FGFR2: variants seen among roughly 807,000 people sequenced by gnomAD.
The protein encoded by FGFR2 is BEK fibroblast growth factor receptor.
A neutral mutation model predicts 95.9 loss-of-function variants in FGFR2; 19 were observed. The observed-to-expected ratio is 0.20, with a 90% CI of 0.14 to 0.29. FGFR2 has a LOEUF of 0.29. Ranked by LOEUF, FGFR2 falls within the 10% of genes least tolerant of loss-of-function variation. FGFR2 has a pLI of 1.00. For missense variants in FGFR2, 707 were observed against 1,056.9 expected (o/e 0.67, Z 4.59); for synonymous variants, 392 against 393.3 (o/e 1.00, Z 0.04).
At chr10:121,528,298 G>C (rs562784968) in intron 6 of FGFR2, among the ~76,000 whole-genome samples, 1 of 152,130 alleles carries the variant, frequency 6.6e-6, no homozygotes, top group South Asian at 2.1e-4. Flanking sequence ...AAAGCTTGTC[G>C]CTGTAGGGTT....
chr10:121,592,935 T>C (rs1013464094), intron 2 of FGFR2, among the ~76,000 whole-genome samples: 3 of 152,218 alleles, frequency 2.0e-5, no homozygotes, highest in Non-Finnish European at 4.4e-5. Context: ...AGTAGAGGCT[T>C]GGCTCACGTT....
chr10:121,534,602 A>G (rs12259870), intron 6 of FGFR2, among the ~76,000 whole-genome samples: 16,437 of 149,382 alleles, frequency 0.11, 2,923 homozygotes, highest in African/African-American at 0.38. Context: ...CACCATGTTG[A>G]CCAGGCTGGT....
In FGFR2 at chr10:121,564,504, T is replaced by C. The variant is rs2135086695; in HGVS notation, c.452A>G (p.Lys151Arg). 1 of 1,613,772 alleles carries C rather than the reference T, an allele frequency of 6.2e-7. No individual in the cohort carries two copies. Among genetic ancestry groups the C allele is most frequent in the Non-Finnish European group, 8.5e-7 (1 of 1,179,798 alleles). The change falls in exon 4 of 18, where the codon AAG becomes AGG. Residue 151 changes from lysine (K) to arginine (R), a missense_variant and splice_region_variant. Coordinates refer to ENST00000358487, the MANE Select transcript of FGFR2 (RefSeq NM_000141.5). ...EDFVSENSNNKRAPYWTNTEK... is the reference protein window; with the variant it reads ...EDFVSENSNNRRAPYWTNTEK... ...ATCGGAGCCGGGCAGTTACTTACTCTTGTTGTTACTGTTCTCACTGACAAA... is the reference window on the plus strand; with the variant it reads ...ATCGGAGCCGGGCAGTTACTTACTCCTGTTGTTACTGTTCTCACTGACAAA...
rs138940435 is a variant in FGFR2, at chr10:121,502,048, A to T, written c.1440-1101T>A. 9.8e-4 allele frequency among the ~76,000 whole-genome samples: 149 copies of T among 152,292 alleles called. 2 individuals are homozygous for T. In the East Asian group the frequency reaches 0.027, roughly 27 times the overall value. ...AATGTTTAGCACTCAGATTTTCCACACTCAGGGTACCCCGGGTGGGAGGTA... is the reference window on the plus strand; with the variant it reads ...AATGTTTAGCACTCAGATTTTCCACTCTCAGGGTACCCCGGGTGGGAGGTA... On this transcript the variant is annotated intron_variant, in intron 10 of 17. Transcript: ENST00000358487.
chr10:121,550,231 T>C (rs1855167448), intron 5 of FGFR2, among the ~76,000 whole-genome samples: 1 of 152,136 alleles, frequency 6.6e-6, no homozygotes, highest in Admixed American at 6.5e-5. Context: ...TGCAACATGC[T>C]CCTGCAACTT....
At chr10:121,553,082 G>A (rs1469123561) in intron 4 of FGFR2, among the ~76,000 whole-genome samples, 3 of 152,168 alleles carry the variant, frequency 2.0e-5, no homozygotes, top group Admixed American at 6.5e-5. Flanking sequence ...TAGCCTTCAC[G>A]CTTGCTCTTG....
At chr10:121,585,945 T>C (rs1171848609) in intron 2 of FGFR2, among the ~76,000 whole-genome samples, 1 of 152,218 alleles carries the variant, frequency 6.6e-6, no homozygotes, top group African/African-American at 2.4e-5. Flanking sequence ...CACTGTCAAC[T>C]GAAAATCTGA....
intron 17 of FGFR2, 51 bp downstream of exon 17, chr10:121,483,647 A>C (rs781272373): frequency 7.7e-7 from 1 of 1,306,030 alleles, no homozygotes; most frequent in African/African-American, 1.4e-5. Flanking sequence ...AACACTACGC[A>C]TGTCTCACAA....
chr10:121,518,131 T>G lies in FGFR2; in HGVS notation c.940-668A>C. On this transcript the variant is annotated intron_variant, in intron 7 of 17. Coordinates refer to ENST00000358487, the MANE Select transcript of FGFR2 (RefSeq NM_000141.5). This position sits in a 1 kb window ranked among gnomAD's most constrained non-coding sequence, Gnocchi z 4.0. ...TCATGACAAACCTAAAAAGTCAACC[T>G]TTTGCCTTTAGTAGCGTCCAGTAGT... The G allele has an allele frequency of 2.4e-6, 1 of 417,530 alleles. No homozygotes were observed. Among genetic ancestry groups the G allele is most frequent in the Non-Finnish European group, 4.6e-6 (1 of 217,400 alleles). The allele number at this position is 417,530 out of a possible 1,614,324, so 25.9% of individuals were successfully genotyped here.
At chr10:121,502,367 T>C (rs1241038788) in intron 10 of FGFR2, among the ~76,000 whole-genome samples, 2 of 152,228 alleles carry the variant, frequency 1.3e-5, no homozygotes, top group Non-Finnish European at 2.9e-5. Flanking sequence ...CTTGAGTGAA[T>C]GAATAAGTGA....
At chr10:121,520,824 A>G (rs1208582205) in intron 6 of FGFR2, among the ~76,000 whole-genome samples, 1 of 152,122 alleles carries the variant, frequency 6.6e-6, no homozygotes, top group Admixed American at 6.5e-5. Context: ...CAAATGTTTT[A>G]TAGAAAGAGG....
At chr10:121,551,944 T>C (rs1855474475) in intron 4 of FGFR2, among the ~76,000 whole-genome samples, 1 of 152,080 alleles carries the variant, frequency 6.6e-6, no homozygotes, top group Non-Finnish European at 1.5e-5. Flanking sequence ...ATCAATAGTA[T>C]AAATTGTCAT....
At position 121,593,856 on chromosome 10, in the gene FGFR2, A is replaced by C; in HGVS notation, c.-39T>G. 3.0e-5 allele frequency: 47 copies of C among 1,560,190 alleles called. No individual in the cohort carries two copies. Among genetic ancestry groups the C allele is most frequent in the Non-Finnish European group, 3.8e-5 (43 of 1,131,036 alleles). ...ATCCCCGGTCCTCTTCCATATCTCCATGTGGACGTTAATCCCATCTGCACA... is the reference window on the plus strand; with the variant it reads ...ATCCCCGGTCCTCTTCCATATCTCCCTGTGGACGTTAATCCCATCTGCACA... On this transcript the variant is annotated 5_prime_UTR_variant, in exon 2 of 18. The change abolishes an upstream ATG in the 5' untranslated region. Coordinates refer to ENST00000358487, the MANE Select transcript of FGFR2 (RefSeq NM_000141.5).
At chr10:121,532,527 C>T (rs560217384) in intron 6 of FGFR2, among the ~76,000 whole-genome samples, 1 of 152,334 alleles carries the variant, frequency 6.6e-6, no homozygotes, top group South Asian at 2.1e-4. Context: ...TCTTCATTTA[C>T]TTAACCACTA....
chr10:121,578,413 A>T (rs549412697), intron 2 of FGFR2, among the ~76,000 whole-genome samples: 1 of 152,144 alleles, frequency 6.6e-6, no homozygotes, highest in Non-Finnish European at 1.5e-5. Flanking sequence ...CCCGATTCCC[A>T]TTAAGACACT....
intron 1 of FGFR2, among the ~76,000 whole-genome samples, chr10:121,597,230 C>A (rs1397861344): frequency 1.3e-5 from 2 of 152,214 alleles, no homozygotes; most frequent in Non-Finnish European, 2.9e-5. Flanking sequence ...GGCTTTTTTC[C>A]CCAGCGCGGC....
intron 2 of FGFR2, among the ~76,000 whole-genome samples, chr10:121,569,510 G>A (rs1035063380): frequency 1.3e-5 from 2 of 152,198 alleles, no homozygotes; most frequent in African/African-American, 4.8e-5. Flanking sequence ...GTGAGCCACT[G>A]CGCCCAGCCA....
At chr10:121,579,024 G>GA (rs1338408563) in intron 2 of FGFR2, among the ~76,000 whole-genome samples, 12 of 152,304 alleles carry the variant, frequency 7.9e-5, no homozygotes, top group African/African-American at 2.6e-4. Context: ...CACACTACAA[G>GA]AAGTTCAGCT....
rs143301125 is a variant in FGFR2, at chr10:121,572,517, G to C, written c.110-6813C>G. Reference sequence around the variant, plus strand: ...GCCTGTAATCCCAGCTATTTGGGAGGCTGAGGCAGAGGAGAATCGTTTAAC... The same window carrying C: ...GCCTGTAATCCCAGCTATTTGGGAGCCTGAGGCAGAGGAGAATCGTTTAAC... On this transcript the variant is annotated intron_variant, in intron 2 of 17. Transcript: ENST00000358487. Among the ~76,000 whole-genome samples, 294 of 152,268 alleles carry C rather than the reference G, an allele frequency of 1.9e-3. 4 individuals carry two copies. In the East Asian group the frequency reaches 0.046, roughly 24 times the overall value.
Sources: gnomAD v4.1 joint callset for allele counts (sites outside exome capture counted in the v4.1 genomes callset) on GRCh38, gnomAD v4.1.1 for gene constraint, Gnocchi (gnomAD v3.1) non-coding constraint, MANE v1.5 for transcripts, NCBI Gene and HGNC (gene_info 2026-07-23, HGNC 2026-07-21) for gene names.